The following COL19A1 variants were observed in gnomAD, a reference collection of about 807,000 sequenced individuals.
COL19A1 encodes collagen alpha-1(XIX) chain.
In COL19A1, 159 loss-of-function variants were observed where a neutral mutation model predicts 190.2. The observed-to-expected ratio is 0.84, with a 90% CI of 0.73 to 0.95. COL19A1 has a LOEUF of 0.95. Ranked by LOEUF, COL19A1 falls within the 40% of genes least tolerant of loss-of-function variation. COL19A1 has a pLI of 0.00. For missense variants in COL19A1, 1,418 were observed against 1,431.9 expected, an observed-to-expected ratio of 0.99 and a Z score of 0.16; for synonymous variants, 509 against 458.9, an observed-to-expected ratio of 1.11 and a Z score of -1.39.
At chr6:70,176,381 TCAC>T (rs1311920802) in intron 41 of COL19A1, 136 bp from the exon 42 acceptor site, 44 of 697,976 alleles carry the variant, frequency 6.3e-5, no homozygotes, top group Middle Eastern at 8.2e-4. Flanking sequence ...CACACTAGCT[TCAC>T]CCCATCTAAT....
At chr6:70,033,917 T>A (rs971246458) in intron 12 of COL19A1, among the ~76,000 whole-genome samples, 68 of 152,236 alleles carry the variant, frequency 4.5e-4, no homozygotes, top group African/African-American at 1.6e-3. Flanking sequence ...ATTTACAACA[T>A]CCACAAATTT....
intron 15 of COL19A1, among the ~76,000 whole-genome samples, chr6:70,079,534 T>A (rs1782107750): frequency 6.6e-6 from 1 of 152,090 alleles, no homozygotes; most frequent in African/African-American, 2.4e-5. Context: ...GGTGGAGAGA[T>A]GAACTAGAAA....
At position 70,211,752 on chromosome 6, in the gene COL19A1, A is replaced by C. The variant is rs1768219399; in HGVS notation, c.*4478A>C. On this transcript the variant is annotated 3_prime_UTR_variant, in exon 51 of 51. Coordinates refer to ENST00000620364, the MANE Select transcript of COL19A1 (RefSeq NM_001858.6). ...ATAATCCAAACGTTTTACTCAACAAAATAATGCTAGAGTAACTGATCAATT... is the reference window on the plus strand; with the variant it reads ...ATAATCCAAACGTTTTACTCAACAACATAATGCTAGAGTAACTGATCAATT... 6.6e-6 allele frequency among the ~76,000 whole-genome samples: 1 copy of C among 151,918 alleles called. No homozygotes were observed. The highest frequency in any genetic ancestry group is 2.1e-4 in the South Asian group (1 of 4,812).
At chr6:70,201,467 A>T (rs1342015572) in intron 49 of COL19A1, among the ~76,000 whole-genome samples, 1 of 152,220 alleles carries the variant, frequency 6.6e-6, no homozygotes, top group African/African-American at 2.4e-5. Flanking sequence ...CAAAGATATT[A>T]TAGACTACTT....
intron 18 of COL19A1, among the ~76,000 whole-genome samples, chr6:70,133,104 T>C (rs1435954741): frequency 6.6e-6 from 1 of 152,226 alleles, no homozygotes; most frequent in African/African-American, 2.4e-5. Flanking sequence ...CACCTGGTCT[T>C]GCTCATCTTT....
At chr6:70,076,315 G>T (rs999500096) in intron 15 of COL19A1, among the ~76,000 whole-genome samples, 1 of 152,070 alleles carries the variant, frequency 6.6e-6, no homozygotes, top group African/African-American at 2.4e-5. Context: ...CTATTTTGTG[G>T]TATCACACTG....
At chr6:70,150,265 G>A (rs1786968548) in intron 30 of COL19A1, among the ~76,000 whole-genome samples, 1 of 152,124 alleles carries the variant, frequency 6.6e-6, no homozygotes, top group South Asian at 2.1e-4. Context: ...TAATTCAACT[G>A]TACAATTTTG....
chr6:69,956,108 T>C (rs1490515680), intron 9 of COL19A1, among the ~76,000 whole-genome samples: 1 of 151,976 alleles, frequency 6.6e-6, no homozygotes, highest in Non-Finnish European at 1.5e-5. Flanking sequence ...TGTATATACA[T>C]ACATACACAC....
At chr6:70,005,565 A>C (rs1777564932) in intron 11 of COL19A1, among the ~76,000 whole-genome samples, 1 of 152,166 alleles carries the variant, frequency 6.6e-6, no homozygotes, top group African/African-American at 2.4e-5. Flanking sequence ...AAAGGGCACC[A>C]ACCTGATGCC....
chr6:70,194,150 G>A (rs895564038), intron 48 of COL19A1, among the ~76,000 whole-genome samples: 1 of 152,210 alleles, frequency 6.6e-6, no homozygotes, highest in African/African-American at 2.4e-5. Flanking sequence ...TTGTCTCCGA[G>A]CGGCAAGTCG....
chr6:69,898,870 C>T, intron 2 of COL19A1, 78 bp from the exon 3 acceptor site: 2 of 837,874 alleles, frequency 2.4e-6, no homozygotes, highest in African/African-American at 1.7e-5. Flanking sequence ...TCCATTTTAT[C>T]TTAAGTTTCT....
At chr6:70,166,970 C>T (rs756510590) in intron 37 of COL19A1, among the ~76,000 whole-genome samples, 1 of 152,222 alleles carries the variant, frequency 6.6e-6, no homozygotes, top group African/African-American at 2.4e-5. Flanking sequence ...CCTCTGAATT[C>T]TCCAAAACCA....
intron 9 of COL19A1, 113 bp downstream of exon 9, chr6:69,938,213 G>C (rs530296124): frequency 1.0e-6 from 1 of 990,272 alleles, no homozygotes; most frequent in African/African-American, 1.7e-5. Context: ...TCTATAAAAG[G>C]CTATCAAAGA....
intron 12 of COL19A1, among the ~76,000 whole-genome samples, chr6:70,024,611 GT>G (rs1442497117): frequency 1.2e-4 from 16 of 137,778 alleles, no homozygotes; most frequent in African/African-American, 3.1e-4. Context: ...GTGTGTGTGT[GT>G]GTGGGTGTGT....
chr6:69,867,147 G>C (rs1767503470), intron 1 of COL19A1, among the ~76,000 whole-genome samples: 1 of 150,884 alleles, frequency 6.6e-6, no homozygotes, highest in African/African-American at 2.4e-5. Flanking sequence ...AGCCAGTTAA[G>C]CGGCGTAAGC....
At chr6:70,092,277 A>G (rs961578855) in intron 15 of COL19A1, among the ~76,000 whole-genome samples, 5 of 151,914 alleles carry the variant, frequency 3.3e-5, no homozygotes, top group African/African-American at 4.8e-5. Flanking sequence ...TTCTACCCAC[A>G]TTTTCCTCCT....
At chr6:70,038,556 C>T (rs1779474153) in intron 14 of COL19A1, among the ~76,000 whole-genome samples, 1 of 152,174 alleles carries the variant, frequency 6.6e-6, no homozygotes, top group African/African-American at 2.4e-5. Context: ...AGATTGAACC[C>T]TGCTTCATTA....
Position 70,161,946 on chromosome 6 carries a change from G to T in COL19A1, c.2339G>T (p.Gly780Val), listed in dbSNP as rs1166458356. The T allele has an allele frequency of 6.2e-7, 1 of 1,603,222 alleles. No individual in the cohort carries two copies. Among genetic ancestry groups the T allele is most frequent in the African/African-American group, 1.3e-5 (1 of 74,336 alleles). ...ATTCCAGGTGCTCCAGGCCCGACTG[G>T]ACCCCCTGTAAGTATTTGTTAAAAC... The part of the protein sequence containing the change: ...PGIPGAPGPT[G>V]PPGLMGRTGH... The change falls in exon 35 of 51, where the codon GGA (glycine) becomes GTA (valine). Residue 780 changes from glycine to valine, a missense_variant. Physicochemically the swap from Gly to Val is moderately radical, Grantham distance 109. Transcript: ENST00000620364.
intron 34 of COL19A1, among the ~76,000 whole-genome samples, chr6:70,160,250 C>T (rs564637766): frequency 6.6e-5 from 10 of 152,134 alleles, no homozygotes; most frequent in South Asian, 2.1e-4. Flanking sequence ...AGCACCTTTA[C>T]GAGGCAGCAG....
Sources: allele counts gnomAD v4.1 joint callset (sites outside exome capture counted in the v4.1 genomes callset), GRCh38; gene constraint gnomAD v4.1.1; transcripts MANE v1.5; gene names NCBI Gene and HGNC (gene_info 2026-07-23, HGNC 2026-07-21).